ERC2: variants seen among roughly 807,000 people sequenced by gnomAD.
ERC2 encodes the protein ERC protein 2.
Under a neutral mutation model 114.8 loss-of-function variants are expected in ERC2, and 42 were observed. That is an observed-to-expected ratio of 0.37 (90% CI 0.29 to 0.47). The LOEUF (loss-of-function observed/expected upper bound fraction) is 0.47. Among genes scored for constraint, ERC2 ranks in the 20% least tolerant of loss-of-function variants. ERC2 has a pLI of 0.99. For synonymous variants in ERC2, 454 were observed against 425.5 expected, an observed-to-expected ratio of 1.07 and a Z score of -0.82; for missense variants, 939 against 1,150.7, an observed-to-expected ratio of 0.82 and a Z score of 2.66.
At position 55,548,965 on chromosome 3, in the gene ERC2, C is replaced by A. The variant is rs555812673; in HGVS notation, c.*40-37689G>T. On this transcript the variant is annotated intron_variant, in intron 17 of 17. Coordinates refer to ENST00000288221, the MANE Select transcript of ERC2 (RefSeq NM_015576.3). ...CAAACCTAGAGTTTTATGTGAACTA[C>A]CAAATTCCTACATCTTGGCAACAAA... 2.0e-5 allele frequency among the ~76,000 whole-genome samples: 3 copies of A among 152,316 alleles called. No individual in the cohort carries two copies. The South Asian group carries it at 6.2e-4, about 32-fold the overall frequency.
At chr3:55,832,376 A>C (rs2149190119) in intron 14 of ERC2, among the ~76,000 whole-genome samples, 1 of 152,306 alleles carries the variant, frequency 6.6e-6, no homozygotes, top group South Asian at 2.1e-4. Flanking sequence ...GCAGACTGAC[A>C]CTTCACACGG....
chr3:55,933,694 G>C (rs1576261761), intron 13 of ERC2, among the ~76,000 whole-genome samples: 1 of 152,332 alleles, frequency 6.6e-6, no homozygotes, highest in East Asian at 1.9e-4. Context: ...CGTGGCCACA[G>C]GAGCCGTGCC....
At chr3:56,159,125 A>G (rs1025341117) in intron 4 of ERC2, among the ~76,000 whole-genome samples, 1 of 152,112 alleles carries the variant, frequency 6.6e-6, no homozygotes, top group Non-Finnish European at 1.5e-5. Context: ...TACTCTGGCC[A>G]TCTGACTGTG....
chr3:56,373,965 C>A (rs936875998), intron 2 of ERC2, among the ~76,000 whole-genome samples: 1 of 152,110 alleles, frequency 6.6e-6, no homozygotes, highest in African/African-American at 2.4e-5. Context: ...TAACTTGGAC[C>A]TTTGATCCTC....
chr3:56,195,780 T>C (rs564457035), intron 3 of ERC2, among the ~76,000 whole-genome samples: 5 of 152,102 alleles, frequency 3.3e-5, no homozygotes, highest in Admixed American at 2.6e-4. Flanking sequence ...TGAGCTGAGA[T>C]TGTGCCACTG....
At chr3:55,717,162 G>A (rs769578188) in intron 15 of ERC2, among the ~76,000 whole-genome samples, 11 of 152,126 alleles carry the variant, frequency 7.2e-5, no homozygotes, top group African/African-American at 1.9e-4. Context: ...TGAGGCTCAC[G>A]GACCTTGTTT....
intron 2 of ERC2, among the ~76,000 whole-genome samples, chr3:56,347,393 G>A (rs2150512709): frequency 6.6e-6 from 1 of 152,090 alleles, no homozygotes; most frequent in Non-Finnish European, 1.5e-5. Flanking sequence ...GCCTATAGGG[G>A]GCGCTGGAGG....
chr3:56,417,136 A>G (rs17825451), intron 2 of ERC2, among the ~76,000 whole-genome samples: 1,759 of 152,300 alleles, frequency 0.012, 19 homozygotes, highest in Middle Eastern at 0.031. Context: ...TCTGAGTCCT[A>G]TGTTTCTAGC....
At chr3:55,689,959 C>G (rs574817619) in intron 16 of ERC2, among the ~76,000 whole-genome samples, 20 of 152,070 alleles carry the variant, frequency 1.3e-4, no homozygotes, top group Non-Finnish European at 2.8e-4. Context: ...ACATATCATC[C>G]CTGTTGGTAG....
At chr3:55,933,152 T>G (rs1576258879) in intron 13 of ERC2, among the ~76,000 whole-genome samples, 1 of 148,792 alleles carries the variant, frequency 6.7e-6, no homozygotes, top group African/African-American at 2.5e-5. Context: ...GAGGCTGCAG[T>G]GAGTAGAGAT....
At chr3:55,605,209 G>A (rs960865713) in intron 17 of ERC2, among the ~76,000 whole-genome samples, 3 of 151,780 alleles carry the variant, frequency 2.0e-5, no homozygotes, top group African/African-American at 7.3e-5. Context: ...TTGAACTTCT[G>A]GGCTCAAGGG....
At chr3:55,973,360 G>A (rs1261558500) in intron 12 of ERC2, among the ~76,000 whole-genome samples, 1 of 152,240 alleles carries the variant, frequency 6.6e-6, no homozygotes, top group Non-Finnish European at 1.5e-5. Context: ...CCACACCTAA[G>A]TGCCAAATAT....
intron 16 of ERC2, among the ~76,000 whole-genome samples, chr3:55,697,686 C>A (rs530469069): frequency 6.6e-6 from 1 of 151,950 alleles, no homozygotes; most frequent in Admixed American, 6.6e-5. Context: ...TCAGCAGGTC[C>A]CTGGATGACC....
chr3:56,206,188 C>G (rs1272514096), intron 3 of ERC2, among the ~76,000 whole-genome samples: 2 of 99,678 alleles, frequency 2.0e-5, no homozygotes, highest in East Asian at 6.2e-4. Context: ...AAAACACACA[C>G]ACACACACAC....
chr3:55,665,807 A>AG (rs2061336140), intron 17 of ERC2, among the ~76,000 whole-genome samples: 1 of 152,182 alleles, frequency 6.6e-6, no homozygotes, highest in Non-Finnish European at 1.5e-5. Flanking sequence ...AGAACTGGGC[A>AG]AGGGTTCACT....
At chr3:56,018,797 A>C (rs572406929) in intron 8 of ERC2, 97 bp downstream of exon 8, 302 of 1,376,872 alleles carry the variant, frequency 2.2e-4, no homozygotes, top group Non-Finnish European at 3.0e-4. Context: ...GTGTTAGCAA[A>C]AGAAGAAAAG....
At chr3:56,417,615 A>T (rs2061218141) in intron 2 of ERC2, among the ~76,000 whole-genome samples, 1 of 152,218 alleles carries the variant, frequency 6.6e-6, no homozygotes, top group Admixed American at 6.5e-5. Flanking sequence ...AACTATTACC[A>T]CATCTATTTT....
At chr3:56,464,994 A>T (rs987651395) in intron 1 of ERC2, among the ~76,000 whole-genome samples, 9 of 152,224 alleles carry the variant, frequency 5.9e-5, no homozygotes, top group African/African-American at 2.2e-4. Flanking sequence ...GTGGACTGCA[A>T]TACCATTCAC....
rs80219775 is a variant in ERC2 at position 56,134,569 on chromosome 3, T to G, written c.1473+4940A>C. ...AGCATGTATGTGCCCATGTGGATTT[T>G]TTTTTTGGTGGGGGGGTTTAATTGC... On this transcript the variant is annotated intron_variant, in intron 6 of 17. Coordinates refer to ENST00000288221, the MANE Select transcript of ERC2 (RefSeq NM_015576.3). 3.8e-3 allele frequency among the ~76,000 whole-genome samples: 580 copies of G among 152,306 alleles called. 22 individuals are homozygous for G. In the East Asian group the frequency reaches 0.1, roughly 26 times the overall value.
Sources: gnomAD v4.1 joint callset for allele counts (sites outside exome capture counted in the v4.1 genomes callset) on GRCh38, gnomAD v4.1.1 for gene constraint, MANE v1.5 for transcripts, NCBI Gene and HGNC (gene_info 2026-07-23, HGNC 2026-07-21) for gene names.